NHSL2: variants seen among roughly 807,000 people sequenced by gnomAD.
NHSL2 encodes NHS-like protein 2.
A neutral mutation model predicts 53.4 loss-of-function variants in NHSL2; 27 were observed. The observed-to-expected ratio is 0.51, with a 90% CI of 0.37 to 0.70. The LOEUF is 0.70. NHSL2 is among the 30% of genes least tolerant of loss of function. The probability of loss-of-function intolerance (pLI) is 0.00; values close to 1 mark genes in which losing one functional copy is unlikely to be tolerated. For synonymous variants in NHSL2, 408 were observed against 404.1 expected (o/e 1.01, Z -0.12); for missense variants, 892 against 980.1 (o/e 0.91, Z 1.20).
chrX:72,069,537 A>T, intron 1 of NHSL2: 1 of 355,843 alleles, frequency 2.8e-6, no homozygotes, highest in Non-Finnish European at 4.4e-6. Context: ...TGGAAGAGCC[A>T]TGTGTGTGAG....
At chrX:72,019,016 C>G (rs2042148266) in intron 1 of NHSL2, among the ~76,000 whole-genome samples, 1 of 112,797 alleles carries the variant, frequency 8.9e-6, no homozygotes. Flanking sequence ...TCGCCCCAAG[C>G]TTTTGAGCAG....
intron 1 of NHSL2, among the ~76,000 whole-genome samples, chrX:72,041,006 G>A (rs1316376120): frequency 8.9e-6 from 1 of 112,233 alleles, no homozygotes; most frequent in Admixed American, 9.4e-5. Flanking sequence ...AGAGCGTTGG[G>A]CTAGATGTAG....
chrX:72,055,800 C>T lies in NHSL2; in HGVS notation c.281-76279C>T, dbSNP rs754822391. ...AAGCAAATCAACTGCTTAACAGAAA[C>T]GCAAATGTTCCGAACCTTGAGACTA... On this transcript the variant is annotated intron_variant, in intron 1 of 7. Coordinates refer to ENST00000633930, the MANE Select transcript of NHSL2 (RefSeq NM_001013627.3). Among the ~76,000 whole-genome samples, 5 of 112,210 alleles carry T rather than the reference C, an allele frequency of 4.5e-5. No homozygotes were observed. The East Asian group carries it at 1.4e-3, about 31-fold the overall frequency.
At chrX:71,955,621 A>G (rs2041839524) in intron 1 of NHSL2, among the ~76,000 whole-genome samples, 1 of 110,147 alleles carries the variant, frequency 9.1e-6, no homozygotes, top group South Asian at 4.0e-4. Flanking sequence ...AAAAGCACTT[A>G]TTGAACTGGG....
intron 1 of NHSL2, among the ~76,000 whole-genome samples, chrX:71,940,095 G>A (rs2041758723): frequency 1.8e-5 from 2 of 112,145 alleles, no homozygotes; most frequent in Admixed American, 1.9e-4. Context: ...TTTGTGGACA[G>A]AGGTAAAAGA....
intron 1 of NHSL2, among the ~76,000 whole-genome samples, chrX:71,991,328 C>T (rs938133452): frequency 1.2e-4 from 14 of 112,633 alleles, no homozygotes; most frequent in African/African-American, 4.5e-4. Flanking sequence ...ACATTTGTGA[C>T]TCTTGGATTA....
chrX:71,923,177 GTGT>G lies in NHSL2; in HGVS notation c.280+11811_280+11813del, dbSNP rs1163401231. Among the ~76,000 whole-genome samples, 7 of 111,397 alleles carry G rather than the reference GTGT, an allele frequency of 6.3e-5. No individual in the cohort carries two copies. In the East Asian group the frequency reaches 2.0e-3, roughly 31 times the overall value. ...GAGCTGGTAGAAATTTGGCAAGCAGGTGTCCCCTCCAGGTAGAGGGATGGCAAA... is the reference window on the plus strand; with the variant it reads ...GAGCTGGTAGAAATTTGGCAAGCAGGCCCCTCCAGGTAGAGGGATGGCAAA... On this transcript the variant is annotated intron_variant, in intron 1 of 7. Coordinates refer to ENST00000633930, the MANE Select transcript of NHSL2 (RefSeq NM_001013627.3).
chrX:72,089,225 C>T (rs1344962537), intron 1 of NHSL2, among the ~76,000 whole-genome samples: 2 of 101,366 alleles, frequency 2.0e-5, no homozygotes, highest in Non-Finnish European at 3.9e-5. Flanking sequence ...TTGCCTACCT[C>T]GTGAAATGGA....
chrX:72,115,857 C>T (rs1392002691), intron 1 of NHSL2, among the ~76,000 whole-genome samples: 1 of 111,366 alleles, frequency 9.0e-6, no homozygotes, highest in Non-Finnish European at 1.9e-5. Context: ...AAAATATGAT[C>T]TTTGCACCAG....
chrX:71,922,178 C>G (rs1436772975), intron 1 of NHSL2, among the ~76,000 whole-genome samples: 1 of 112,013 alleles, frequency 8.9e-6, no homozygotes, highest in East Asian at 2.8e-4. Context: ...ATGATCGCAA[C>G]AGAAATAGTT....
intron 1 of NHSL2, among the ~76,000 whole-genome samples, chrX:72,105,091 G>C (rs1438335274): frequency 9.0e-6 from 1 of 111,074 alleles, no homozygotes; most frequent in African/African-American, 3.3e-5. Context: ...ATGCTCTTCA[G>C]ATGGCCCCAG....
rs573513387 is a variant in NHSL2, at chrX:72,052,862, C to T, written c.281-79217C>T. ...CAGCCCCTCTGTAGACATTCTCTGG[C>T]CAAGCTGCTAACAGAAAAGGAGGAT... On this transcript the variant is annotated intron_variant, in intron 1 of 7. Coordinates refer to ENST00000633930, the MANE Select transcript of NHSL2 (RefSeq NM_001013627.3). Among the ~76,000 whole-genome samples, 19 of 111,709 alleles carry T rather than the reference C, an allele frequency of 1.7e-4. No individual in the cohort carries two copies. In the South Asian group the frequency reaches 6.8e-3, roughly 40 times the overall value.
At chrX:71,940,654 TGTG>T (rs1228803407) in intron 1 of NHSL2, among the ~76,000 whole-genome samples, 1 of 109,193 alleles carries the variant, frequency 9.2e-6, no homozygotes, top group Admixed American at 9.8e-5. Flanking sequence ...AAAGTATGGA[TGTG>T]GTGAGTGAAT....
intron 1 of NHSL2, among the ~76,000 whole-genome samples, chrX:72,099,473 C>A (rs2041973535): frequency 9.5e-6 from 1 of 105,064 alleles, no homozygotes. Flanking sequence ...TCAAGCAATT[C>A]TCCTGCCTCA....
intron 1 of NHSL2, among the ~76,000 whole-genome samples, chrX:71,917,487 G>C (rs1191545656): frequency 9.1e-6 from 1 of 109,528 alleles, no homozygotes; most frequent in South Asian, 4.0e-4. Flanking sequence ...TCTAGCTATC[G>C]CACACTCTTT....
chrX:71,980,117 C>T (rs1231371387), intron 1 of NHSL2, among the ~76,000 whole-genome samples: 1 of 111,653 alleles, frequency 9.0e-6, no homozygotes, highest in African/African-American at 3.3e-5. Context: ...TTCCATTGGT[C>T]TATATCTCTG....
chrX:72,072,227 A>G (rs2041707232), intron 1 of NHSL2, among the ~76,000 whole-genome samples: 1 of 112,901 alleles, frequency 8.9e-6, no homozygotes, highest in Non-Finnish European at 1.9e-5. Context: ...TAACTAATAC[A>G]TCAAACCCAT....
intron 1 of NHSL2, among the ~76,000 whole-genome samples, chrX:71,912,280 T>TGA (rs1397722504): frequency 8.9e-6 from 1 of 112,122 alleles, no homozygotes; most frequent in Admixed American, 9.4e-5. Context: ...GCAGTGCCCC[T>TGA]GAGAGTGTGG....
intron 1 of NHSL2, among the ~76,000 whole-genome samples, chrX:71,916,741 T>C (rs1344098454): frequency 8.9e-6 from 1 of 112,329 alleles, no homozygotes; most frequent in Non-Finnish European, 1.9e-5. Context: ...TTCCCTATGG[T>C]AAAAACAAAA....
Sources: allele counts gnomAD v4.1 joint callset (sites outside exome capture counted in the v4.1 genomes callset), GRCh38; gene constraint gnomAD v4.1.1; transcripts MANE v1.5; gene names NCBI Gene and HGNC (gene_info 2026-07-23, HGNC 2026-07-21).